NRG1: variants seen among roughly 807,000 people sequenced by gnomAD.
NRG1 encodes neuregulin 1.
Under a neutral mutation model 63.8 loss-of-function variants are expected in NRG1, and 18 were observed. The observed-to-expected ratio is 0.28, with a 90% confidence interval of 0.19 to 0.42. The LOEUF is 0.42. NRG1 is among the 10% of genes least tolerant of loss of function. NRG1 has a pLI of 1.00. For synonymous variants in NRG1, 302 were observed against 301.3 expected (o/e 1.00, Z -0.02); for missense variants, 762 against 814.7 (o/e 0.94, Z 0.79).
rs1472632707 is a variant in NRG1 at position 31,865,098 on chromosome 8, G to A, written c.37+225667G>A. Among the ~76,000 whole-genome samples the A allele has an allele frequency of 3.9e-5, 6 of 152,102 alleles. No homozygotes were observed. The South Asian group carries it at 1.2e-3, about 32-fold the overall frequency. On this transcript the variant is annotated intron_variant, in intron 1 of 10. Transcript: ENST00000519301. ...TGGGGCCAAAGCGTTTTCAGTTTGG[G>A]CATCTCAGTAACTTTTGGCACCACT...
chr8:31,999,380 TGTG>T (rs1812556652), intron 1 of NRG1, among the ~76,000 whole-genome samples: 1 of 152,052 alleles, frequency 6.6e-6, no homozygotes. Context: ...TAAAGTTTCT[TGTG>T]GTCAGAATCA....
At chr8:32,600,221 A>C (rs1844081584) in intron 2 of NRG1, among the ~76,000 whole-genome samples, 1 of 152,034 alleles carries the variant, frequency 6.6e-6, no homozygotes, top group South Asian at 2.1e-4. Flanking sequence ...CCTGGGAAAC[A>C]TAGCAAGACC....
intron 5 of NRG1, among the ~76,000 whole-genome samples, chr8:32,716,015 A>G (rs1392679566): frequency 6.6e-6 from 1 of 152,068 alleles, no homozygotes; most frequent in Admixed American, 6.6e-5. Flanking sequence ...TTTTCCTGGT[A>G]AGGCCTTGTT....
intron 1 of NRG1, among the ~76,000 whole-genome samples, chr8:32,363,830 T>C (rs1318092594): frequency 1.3e-5 from 2 of 152,066 alleles, no homozygotes; most frequent in Non-Finnish European, 2.9e-5. Context: ...AGATAAATGA[T>C]TGCCAGGGGT....
intron 1 of NRG1, among the ~76,000 whole-genome samples, chr8:32,283,201 A>C (rs1332787189): frequency 6.6e-6 from 1 of 152,062 alleles, no homozygotes; most frequent in Non-Finnish European, 1.5e-5. Flanking sequence ...TGTTGTTTGA[A>C]TTTTCATTGC....
At chr8:32,332,555 A>G (rs1288174824) in intron 1 of NRG1, among the ~76,000 whole-genome samples, 1 of 152,214 alleles carries the variant, frequency 6.6e-6, no homozygotes, top group Non-Finnish European at 1.5e-5. Flanking sequence ...AGTTTCTACC[A>G]TATGCCGGGC....
chr8:32,078,390 C>T (rs1054931517), intron 1 of NRG1, among the ~76,000 whole-genome samples: 8 of 152,228 alleles, frequency 5.3e-5, no homozygotes, highest in African/African-American at 1.4e-4. Context: ...GCTGGCACCA[C>T]ACTTTGTGTA....
intron 1 of NRG1, among the ~76,000 whole-genome samples, chr8:31,975,500 G>A (rs1242198968): frequency 1.3e-5 from 2 of 152,118 alleles, no homozygotes; most frequent in Non-Finnish European, 2.9e-5. Flanking sequence ...CTAGAGTTGG[G>A]GTTTATTGTT....
chr8:32,253,652 C>A (rs1165929733), intron 1 of NRG1, among the ~76,000 whole-genome samples: 2 of 152,078 alleles, frequency 1.3e-5, no homozygotes, highest in South Asian at 4.1e-4. Flanking sequence ...CTGGCATTTT[C>A]TTTTTTTGTT....
chr8:31,969,363 C>T (rs1193726089), intron 1 of NRG1, among the ~76,000 whole-genome samples: 2 of 152,132 alleles, frequency 1.3e-5, no homozygotes, highest in Non-Finnish European at 2.9e-5. Flanking sequence ...CATGTTGTCT[C>T]ACTTTTCAGA....
intron 1 of NRG1, among the ~76,000 whole-genome samples, chr8:31,796,953 G>T (rs1460076389): frequency 1.3e-5 from 2 of 152,038 alleles, no homozygotes. Flanking sequence ...ATTATATAGG[G>T]TCAGTATAGG....
chr8:32,716,667 A>G (rs1157780206), intron 5 of NRG1, among the ~76,000 whole-genome samples: 1 of 152,198 alleles, frequency 6.6e-6, no homozygotes, highest in Non-Finnish European at 1.5e-5. Context: ...GCAAGCTGAG[A>G]TAAGGCCCTA....
chr8:32,046,566 T>C (rs540408067), intron 1 of NRG1, among the ~76,000 whole-genome samples: 2 of 152,202 alleles, frequency 1.3e-5, no homozygotes, highest in South Asian at 2.1e-4. Flanking sequence ...AACAGGTGAA[T>C]AGAAAAACAA....
chr8:31,929,417 A>AT (rs143631109), intron 1 of NRG1, among the ~76,000 whole-genome samples: 241 of 152,104 alleles, frequency 1.6e-3, no homozygotes, highest in African/African-American at 5.5e-3. Context: ...GTGCTTTAAC[A>AT]TTTTTTACTT....
At chr8:32,356,915 G>A (rs945629668) in intron 1 of NRG1, among the ~76,000 whole-genome samples, 18 of 152,202 alleles carry the variant, frequency 1.2e-4, no homozygotes, top group African/African-American at 4.3e-4. Flanking sequence ...AGAACATTAG[G>A]AGGTCTTTAA....
chr8:31,770,715 A>G (rs894843584), intron 1 of NRG1, among the ~76,000 whole-genome samples: 3 of 151,386 alleles, frequency 2.0e-5, no homozygotes, highest in African/African-American at 7.3e-5. Flanking sequence ...ATGTATACAT[A>G]TGTAACAAAC....
intron 1 of NRG1, among the ~76,000 whole-genome samples, chr8:31,830,950 A>G (rs1825093178): frequency 6.6e-6 from 1 of 152,042 alleles, no homozygotes; most frequent in African/African-American, 2.4e-5. Flanking sequence ...CCCTTGAAAC[A>G]CTGTATGGAG....
At chr8:32,436,061 T>G (rs923402812) in intron 1 of NRG1, among the ~76,000 whole-genome samples, 1 of 152,114 alleles carries the variant, frequency 6.6e-6, no homozygotes, top group Non-Finnish European at 1.5e-5. Flanking sequence ...AAGACATACC[T>G]GAGACTGGGT....
chr8:32,026,579 T>C (rs1817412743), intron 1 of NRG1, among the ~76,000 whole-genome samples: 1 of 152,210 alleles, frequency 6.6e-6, no homozygotes, highest in Non-Finnish European at 1.5e-5. Context: ...AAAACAAATC[T>C]GAAATAAAAT....
Sources: gnomAD v4.1 joint callset for allele counts (sites outside exome capture counted in the v4.1 genomes callset) on GRCh38, gnomAD v4.1.1 for gene constraint, MANE v1.5 for transcripts, NCBI Gene and HGNC (gene_info 2026-07-23, HGNC 2026-07-21) for gene names.